GMDS: variants seen among roughly 807,000 people sequenced by gnomAD.
GMDS encodes the protein GDP-mannose 4,6-dehydratase.
Under a neutral mutation model 49.9 loss-of-function variants are expected in GMDS, and 20 were observed. The ratio of observed to expected loss-of-function variants is 0.40; its 90% confidence interval spans 0.28 to 0.58. The LOEUF (loss-of-function observed/expected upper bound fraction) is 0.58. GMDS is among the 20% of genes least tolerant of loss of function. GMDS has a pLI of 0.42. For synonymous variants in GMDS, 177 were observed against 178.6 expected (o/e 0.99, Z 0.07); for missense variants, 362 against 481.4 (o/e 0.75, Z 2.32).
intron 7 of GMDS, among the ~76,000 whole-genome samples, chr6:1,785,261 G>C (rs1158220353): frequency 6.6e-6 from 1 of 152,146 alleles, no homozygotes; most frequent in African/African-American, 2.4e-5. Context: ...TTTTATTTGT[G>C]CTCTTAATAA....
At chr6:1,706,069 T>C (rs751222322) in intron 9 of GMDS, among the ~76,000 whole-genome samples, 1 of 152,108 alleles carries the variant, frequency 6.6e-6, no homozygotes, top group African/African-American at 2.4e-5. Context: ...TGGGAGGAAA[T>C]AGAATGATTG....
At chr6:1,998,312 C>T (rs965254356) in intron 4 of GMDS, among the ~76,000 whole-genome samples, 3 of 152,134 alleles carry the variant, frequency 2.0e-5, no homozygotes, top group East Asian at 1.9e-4. Context: ...AGATCATCTA[C>T]GCACAAACTC....
At chr6:1,800,443 TTTTC>T (rs1408808116) in intron 7 of GMDS, among the ~76,000 whole-genome samples, 1 of 152,084 alleles carries the variant, frequency 6.6e-6, no homozygotes. Context: ...ATTTCTTTTC[TTTTC>T]TTTTTTTGAG....
chr6:1,694,164 CTT>C (rs1240626104), intron 9 of GMDS, among the ~76,000 whole-genome samples: 1 of 152,162 alleles, frequency 6.6e-6, no homozygotes, highest in Non-Finnish European at 1.5e-5. Context: ...CAATTACTCT[CTT>C]TTACTGATTC....
chr6:1,938,009 TA>T (rs1762633419), intron 6 of GMDS, among the ~76,000 whole-genome samples: 1 of 150,676 alleles, frequency 6.6e-6, no homozygotes, highest in Admixed American at 6.6e-5. Flanking sequence ...TCTACTAATT[TA>T]AAAGAAAAAA....
At chr6:1,629,616 G>A (rs375465022) in intron 9 of GMDS, among the ~76,000 whole-genome samples, 1 of 152,170 alleles carries the variant, frequency 6.6e-6, no homozygotes, top group East Asian at 1.9e-4. Flanking sequence ...GGCAATCAGC[G>A]ACGGTGTAGA....
chr6:2,218,990 G>A (rs1293258718), intron 1 of GMDS, among the ~76,000 whole-genome samples: 1 of 152,168 alleles, frequency 6.6e-6, no homozygotes, highest in Non-Finnish European at 1.5e-5. Context: ...CTGGCTACTT[G>A]GGAGGTTGAG....
chr6:2,151,530 G>A (rs1442892614), intron 1 of GMDS, among the ~76,000 whole-genome samples: 1 of 151,914 alleles, frequency 6.6e-6, no homozygotes, highest in Non-Finnish European at 1.5e-5. Flanking sequence ...ATGCCAGGAA[G>A]GTAAATTCTT....
chr6:1,833,683 G>A lies in GMDS; in HGVS notation c.772-91097C>T, dbSNP rs1188098591. 3.9e-5 allele frequency among the ~76,000 whole-genome samples: 6 copies of A among 152,084 alleles called. No homozygotes were observed. The highest frequency in any genetic ancestry group is 6.6e-5 in the Admixed American group (1 of 15,264). On this transcript the variant is annotated intron_variant, in intron 7 of 10. Transcript: ENST00000380815. The surrounding 1 kb of genome is among the most constrained non-coding windows in gnomAD (Gnocchi z 4.4). ...TTTTGGATGACCTAATTCTTCCAGC[G>A]AAGTTTAAAACTATAACCAAGGTTG... is the stretch of plus-strand genomic sequence containing the variant.
intron 4 of GMDS, among the ~76,000 whole-genome samples, chr6:2,012,836 T>C (rs1404094990): frequency 6.6e-6 from 1 of 152,084 alleles, no homozygotes; most frequent in African/African-American, 2.4e-5. Context: ...CTTCAAGAGC[T>C]CCAAGACAGT....
intron 7 of GMDS, among the ~76,000 whole-genome samples, chr6:1,754,366 C>G (rs568288836): frequency 1.3e-5 from 2 of 152,288 alleles, no homozygotes; most frequent in East Asian, 1.9e-4. Context: ...AGACCAATAA[C>G]AAGTTCTGAA....
intron 6 of GMDS, among the ~76,000 whole-genome samples, chr6:1,956,189 T>C (rs1052884301): frequency 1.3e-5 from 2 of 152,210 alleles, no homozygotes; most frequent in Non-Finnish European, 2.9e-5. Context: ...AGGATCTGTC[T>C]ACAGCTGGGG....
intron 7 of GMDS, among the ~76,000 whole-genome samples, chr6:1,863,172 A>AGG (rs987642356): frequency 6.6e-6 from 1 of 152,130 alleles, no homozygotes; most frequent in African/African-American, 2.4e-5. Context: ...GTAAGGGGCT[A>AGG]GGGGGATCTT....
At chr6:1,898,424 TGTTTCATACAA>T (rs1195180969) in intron 7 of GMDS, among the ~76,000 whole-genome samples, 2 of 152,204 alleles carry the variant, frequency 1.3e-5, no homozygotes, top group Non-Finnish European at 2.9e-5. Flanking sequence ...GGTGCCAGTA[TGTTTCATACAA>T]GTGATGTGAT....
chr6:1,917,904 G>T (rs1056126072), intron 7 of GMDS, among the ~76,000 whole-genome samples: 3 of 152,190 alleles, frequency 2.0e-5, no homozygotes, highest in African/African-American at 7.2e-5. Context: ...GCATGTGGGT[G>T]ATGTGCGACC....
intron 7 of GMDS, among the ~76,000 whole-genome samples, chr6:1,809,350 C>T (rs965941529): frequency 2.0e-5 from 3 of 152,178 alleles, no homozygotes; most frequent in Non-Finnish European, 2.9e-5. Context: ...CGGGAGCTCA[C>T]GTGGTTCCCC....
intron 4 of GMDS, among the ~76,000 whole-genome samples, chr6:2,017,309 ATT>A (rs57958131): frequency 6.8e-6 from 1 of 147,458 alleles, no homozygotes; most frequent in African/African-American, 2.5e-5. Flanking sequence ...GATTCTTTTT[ATT>A]TTTTTTTTTC....
intron 4 of GMDS, among the ~76,000 whole-genome samples, chr6:1,999,292 A>G (rs1241745898): frequency 6.8e-6 from 1 of 147,292 alleles, no homozygotes; most frequent in Non-Finnish European, 1.5e-5. Flanking sequence ...ACTGTACTAC[A>G]GCCTGGTGAC....
chr6:2,135,167 T>C (rs1268228311), intron 1 of GMDS, among the ~76,000 whole-genome samples: 2 of 152,220 alleles, frequency 1.3e-5, no homozygotes, highest in African/African-American at 2.4e-5. Context: ...CACAGCAGTT[T>C]TTTAAAGAAA....
Sources: allele counts gnomAD v4.1 joint callset (sites outside exome capture counted in the v4.1 genomes callset), GRCh38; gene constraint gnomAD v4.1.1; non-coding constraint Gnocchi (gnomAD v3.1); transcripts MANE v1.5; gene names NCBI Gene and HGNC (gene_info 2026-07-23, HGNC 2026-07-21).